The following MAPK14 variants were observed in gnomAD, a reference collection of about 807,000 sequenced individuals.
MAPK14 encodes mitogen-activated protein kinase 14, also known as CSAID-binding protein.
MAPK14 carries 16 observed loss-of-function variants against 49.6 expected under a neutral mutation model. The ratio of observed to expected loss-of-function variants is 0.32; its 90% CI spans 0.22 to 0.49. The LOEUF (loss-of-function observed/expected upper bound fraction) is 0.49, where lower values mean the gene tolerates loss of function less well. Among genes scored for constraint, MAPK14 ranks in the 20% least tolerant of loss-of-function variants. MAPK14 has a pLI of 0.99. For synonymous variants in MAPK14, 142 were observed against 158.0 expected (o/e 0.90, Z 0.76); for missense variants, 200 against 441.2 (o/e 0.45, Z 4.90).
intron 6 of MAPK14, 41 bp downstream of exon 6, chr6:36,074,137 A>AGATT: frequency 6.5e-7 from 1 of 1,547,098 alleles, no homozygotes; most frequent in Middle Eastern, 1.7e-4. Context: ...CTTTACTTTG[A>AGATT]GATTATATGT....
intron 8 of MAPK14, among the ~76,000 whole-genome samples, chr6:36,094,614 T>C (rs1765376233): frequency 6.6e-6 from 1 of 152,256 alleles, no homozygotes; most frequent in Non-Finnish European, 1.5e-5. Flanking sequence ...AGTGCTGCTA[T>C]GTTGCCTTTA....
At chr6:36,119,976 G>A in the MAPK14 span, among the ~76,000 whole-genome samples, 1 of 152,178 alleles carries the variant, frequency 6.6e-6, no homozygotes, top group Non-Finnish European at 1.5e-5. Context: ...TTGTAGAGGG[G>A]TCACCTCTAG....
Position 36,102,618 on chromosome 6 carries a change from T to C in MAPK14, c.810T>C (p.Phe270=). 6.2e-7 allele frequency: 1 copy of C among 1,614,090 alleles called. No homozygotes were observed. Among genetic ancestry groups the C allele is most frequent in the Non-Finnish European group, 8.5e-7 (1 of 1,179,954 alleles). ...TGACTCAGATGCCGAAGATGAACTTTGCGAATGTATTTATTGGTGCCAATC... is the reference window on the plus strand; with the variant it reads ...TGACTCAGATGCCGAAGATGAACTTCGCGAATGTATTTATTGGTGCCAATC... ...QSLTQMPKMN[F]ANVFIGANPL... The change falls in exon 10 of 12, where the codon TTT becomes TTC. Residue 270 remains phenylalanine, a synonymous_variant. Coordinates refer to ENST00000229794, the MANE Select transcript of MAPK14 (RefSeq NM_139012.3).
chr6:36,117,017 T>A, the MAPK14 span, among the ~76,000 whole-genome samples: 94 of 152,236 alleles, frequency 6.2e-4, no homozygotes, highest in African/African-American at 2.1e-3. Context: ...AAAGAAAATT[T>A]AAAAAAATTA....
At chr6:36,103,929 C>G (rs1765719629) in intron 10 of MAPK14, among the ~76,000 whole-genome samples, 1 of 152,186 alleles carries the variant, frequency 6.6e-6, no homozygotes, top group African/African-American at 2.4e-5. Flanking sequence ...AGGGTCTTGG[C>G]AGCTATGCTT....
At chr6:36,123,020 G>A in the MAPK14 span, among the ~76,000 whole-genome samples, 4 of 152,232 alleles carry the variant, frequency 2.6e-5, no homozygotes, top group South Asian at 8.3e-4. Context: ...CAGGGTTAGT[G>A]GGGTGAGTGG....
intron 1 of MAPK14, among the ~76,000 whole-genome samples, chr6:36,051,231 T>C (rs1386835638): frequency 6.6e-6 from 1 of 151,834 alleles, no homozygotes; most frequent in African/African-American, 2.4e-5. Flanking sequence ...TTCTCCTGCC[T>C]CAGCCTCCTG....
At chr6:36,074,120 T>C (rs1764422150) in intron 6 of MAPK14, 24 bp downstream of exon 6, 1 of 1,597,944 alleles carries the variant, frequency 6.3e-7, no homozygotes. Flanking sequence ...ACAGTATTCA[T>C]TGTTTGCTTT....
Position 36,111,057 on chromosome 6 carries a change from CTG to C in MAPK14, c.*2613_*2614del, listed in dbSNP as rs1206737487. ...GGCCGAAATGACAGGGCTCAGCAGA[CTG>C]TGGCCTGAGGGCCAAATCTGGCCCA... On this transcript the variant is annotated 3_prime_UTR_variant, in exon 12 of 12. Coordinates refer to ENST00000229794, the MANE Select transcript of MAPK14 (RefSeq NM_139012.3). 6.6e-6 allele frequency: 1 copy of C among 152,174 alleles called. No homozygotes were observed. Among genetic ancestry groups the C allele is most frequent in the Non-Finnish European group, 1.5e-5 (1 of 68,034 alleles). 9.4% of individuals were successfully genotyped at this position (152,174 alleles called of 1,614,324 possible).
chr6:36,105,672 C>T (rs1484003504), intron 10 of MAPK14, among the ~76,000 whole-genome samples: 1 of 152,114 alleles, frequency 6.6e-6, no homozygotes, highest in Non-Finnish European at 1.5e-5. Flanking sequence ...TCTGTATCCC[C>T]TTGAAGCCCA....
intron 1 of MAPK14, among the ~76,000 whole-genome samples, chr6:36,039,451 T>A (rs561535162): frequency 6.6e-6 from 1 of 151,172 alleles, no homozygotes; most frequent in African/African-American, 2.5e-5. Context: ...ATTGTCACTG[T>A]GCCTGTGATA....
At chr6:36,034,784 G>A (rs1407590874) in intron 1 of MAPK14, among the ~76,000 whole-genome samples, 1 of 151,544 alleles carries the variant, frequency 6.6e-6, no homozygotes, top group Non-Finnish European at 1.5e-5. Context: ...CAAATTGAAG[G>A]TTAGTGACAA....
chr6:36,051,793 G>A (rs1298399458), intron 1 of MAPK14, among the ~76,000 whole-genome samples: 1 of 152,070 alleles, frequency 6.6e-6, no homozygotes, highest in East Asian at 1.9e-4. Context: ...TAGGGGATTC[G>A]GGGAAATACA....
rs567563386 is a variant in MAPK14 at position 36,048,465 on chromosome 6, T to C, written c.117-4234T>C. ...GTGCTAGGATTACAGGCTTGAGCCA[T>C]TGTGCCTGGCATAATTTATATTTTT... is the stretch of plus-strand genomic sequence containing the variant. On this transcript the variant is annotated intron_variant, in intron 1 of 11. Coordinates refer to ENST00000229794, the MANE Select transcript of MAPK14 (RefSeq NM_139012.3). Among the ~76,000 whole-genome samples, 3 of 152,346 alleles carry C rather than the reference T, an allele frequency of 2.0e-5. No homozygotes were observed. The South Asian group carries it at 6.2e-4, about 32-fold the overall frequency.
rs372488284 is a variant in MAPK14, at chr6:36,052,798, G to A, written c.216G>A (p.Leu72=). The A allele has an allele frequency of 5.2e-5, 83 of 1,610,844 alleles. No homozygotes were observed. Among genetic ancestry groups the A allele is most frequent in the Admixed American group, 2.2e-4 (13 of 59,550 alleles). The part of the protein sequence containing the change: ...IIHAKRTYRE[L]RLLKHMKHEN... ...ATGCGAAAAGAACCTACAGAGAACT[G>A]CGGTTACTTAAACATATGAAACATG... is the stretch of plus-strand genomic sequence containing the variant. Residue 72 remains leucine (L), a synonymous_variant, in exon 2 of 12, where the codon CTG becomes CTA. Coordinates refer to ENST00000229794, the MANE Select transcript of MAPK14 (RefSeq NM_139012.3).
At chr6:36,118,113 A>G in the MAPK14 span, among the ~76,000 whole-genome samples, 5 of 152,392 alleles carry the variant, frequency 3.3e-5, no homozygotes, top group South Asian at 1.0e-3. Flanking sequence ...TTGGCTGCAC[A>G]GCAATTTAAT....
At chr6:36,123,903 G>C in the MAPK14 span, among the ~76,000 whole-genome samples, 1 of 152,014 alleles carries the variant, frequency 6.6e-6, no homozygotes, top group South Asian at 2.1e-4. Context: ...GTGTGGACCG[G>C]ATGGTGTGGG....
intron 8 of MAPK14, among the ~76,000 whole-genome samples, chr6:36,090,456 G>A (rs1478353767): frequency 2.0e-5 from 3 of 150,416 alleles, no homozygotes; most frequent in African/African-American, 7.4e-5. Flanking sequence ...TGATCTGCCC[G>A]CCTTGGCCTA....
Position 36,111,221 on chromosome 6 carries a change from G to A in MAPK14, c.*2774G>A, listed in dbSNP as rs138656550. 2 of 152,258 alleles carry A rather than the reference G, an allele frequency of 1.3e-5. No individual in the cohort carries two copies. Among genetic ancestry groups the A allele is most frequent in the Non-Finnish European group, 2.9e-5 (2 of 68,028 alleles). 9.4% of individuals were successfully genotyped at this position (152,258 alleles called of 1,614,324 possible). A position where few individuals can be genotyped will look rare whatever the true frequency, so the allele number is the denominator to read the frequency against. On this transcript the variant is annotated 3_prime_UTR_variant, in exon 12 of 12. Transcript: ENST00000229794. ...TTAAATTCCAGTATCCATAAATAAA[G>A]TTTTATGAGAACAGAGCCGCACTCA...
Sources: allele counts gnomAD v4.1 joint callset (sites outside exome capture counted in the v4.1 genomes callset), GRCh38; gene constraint gnomAD v4.1.1; transcripts MANE v1.5; gene names NCBI Gene and HGNC (gene_info 2026-07-23, HGNC 2026-07-21).